HECTD4: variants seen among roughly 807,000 people sequenced by gnomAD.
HECTD4 encodes the protein HECT domain E3 ubiquitin protein ligase 4.
Under a neutral mutation model 471.5 loss-of-function variants are expected in HECTD4, and 114 were observed. The observed-to-expected ratio is 0.24, with a 90% confidence interval of 0.21 to 0.28. The LOEUF (loss-of-function observed/expected upper bound fraction) is 0.28. Ranked by LOEUF, HECTD4 falls within the 10% of genes least tolerant of loss-of-function variation. HECTD4 has a pLI of 1.00. For missense variants in HECTD4, 3,866 were observed against 5,651.5 expected, an observed-to-expected ratio of 0.68 and a Z score of 10.13; for synonymous variants, 2,012 against 2,256.0, an observed-to-expected ratio of 0.89 and a Z score of 3.07.
In HECTD4 at chr12:112,345,905, TAAAG is replaced by T. The variant is rs542284606; in HGVS notation, c.178-26167_178-26164del. Among the ~76,000 whole-genome samples, 127 of 152,072 alleles carry T rather than the reference TAAAG, an allele frequency of 8.4e-4. 1 individual carries two copies. The South Asian group carries it at 9.7e-3, about 12-fold the overall frequency. On this transcript the variant is annotated intron_variant, in intron 1 of 75. Transcript: ENST00000682272. ...GCGAGACTCCGTCTCAAAAACAAAA[TAAAG>T]AAAGAAAGAAGAGAAAGCAAACATG...
In HECTD4 at chr12:112,239,779, A is replaced by G; in HGVS notation, c.5105+102T>C. ...AAGTTTTGTATAGCTAGCTCTGGATAATGAAAGCAAAAAATCCAATTTTTA... is the reference window on the plus strand; with the variant it reads ...AAGTTTTGTATAGCTAGCTCTGGATGATGAAAGCAAAAAATCCAATTTTTA... On this transcript the variant is annotated intron_variant, in intron 33 of 75. Coordinates refer to ENST00000682272, the MANE Select transcript of HECTD4 (RefSeq NM_001388303.1). This position sits in a 1 kb window ranked among gnomAD's most constrained non-coding sequence, Gnocchi z 4.9. The G allele has an allele frequency of 8.8e-7, 1 of 1,142,044 alleles. No individual in the cohort carries two copies. Among genetic ancestry groups the G allele is most frequent in the Non-Finnish European group, 1.2e-6 (1 of 827,608 alleles). 70.7% of individuals were successfully genotyped at this position (1,142,044 alleles called of 1,614,324 possible).
Position 112,192,619 on chromosome 12 carries a change from G to A in HECTD4, c.9233C>T (p.Pro3078Leu), listed in dbSNP as rs771593426. Reference protein sequence around the residue: ...SPANTGLAPPPTADQYPSVVL... With the variant: ...SPANTGLAPPLTADQYPSVVL... ...CACAGAGGGGTACTGGTCAGCGGTG[G>A]GGGGAGGTGCAAGCCCAGTGTTGGC... is the stretch of plus-strand genomic sequence containing the variant. Residue 3078 changes from proline (P) to leucine (L), a missense_variant, in exon 59 of 76, where the codon CCC (proline) becomes CTC (leucine). By Grantham distance (98) the Pro-to-Leu change is moderately conservative (BLOSUM62 -3). This residue lies in a region of HECTD4 where 364 missense variants were observed against 413.2 expected (regional missense o/e 0.88). Coordinates refer to ENST00000682272, the MANE Select transcript of HECTD4 (RefSeq NM_001388303.1). The A allele has an allele frequency of 1.9e-6, 3 of 1,609,704 alleles. No individual in the cohort carries two copies. Among genetic ancestry groups the A allele is most frequent in the Non-Finnish European group, 2.5e-6 (3 of 1,178,492 alleles).
intron 44 of HECTD4, among the ~76,000 whole-genome samples, chr12:112,220,135 G>A (rs769626857): frequency 5.3e-5 from 8 of 152,090 alleles, no homozygotes; most frequent in Non-Finnish European, 8.8e-5. Flanking sequence ...TAAAGCCCTT[G>A]GCTAAGTCCC....
chr12:112,379,705 T>TA (rs2036853578), intron 1 of HECTD4, among the ~76,000 whole-genome samples: 1 of 146,406 alleles, frequency 6.8e-6, no homozygotes, highest in Non-Finnish European at 1.5e-5. Flanking sequence ...AAATAAAAAA[T>TA]AAAAAGATTT....
chr12:112,364,590 G>A (rs780558987), intron 1 of HECTD4, among the ~76,000 whole-genome samples: 119 of 151,894 alleles, frequency 7.8e-4, no homozygotes, highest in Non-Finnish European at 1.4e-3. Flanking sequence ...TTAGCCAGCC[G>A]TGGTGGCATG....
At chr12:112,244,941 G>C (rs2033725486) in intron 29 of HECTD4, among the ~76,000 whole-genome samples, 1 of 151,890 alleles carries the variant, frequency 6.6e-6, no homozygotes, top group South Asian at 2.1e-4. Flanking sequence ...GAGTAGCTAA[G>C]AAAAAAAGAT....
At position 112,213,912 on chromosome 12, in the gene HECTD4, C is replaced by T. The variant is rs930562510; in HGVS notation, c.7466-1262G>A. Among the ~76,000 whole-genome samples the T allele has an allele frequency of 6.6e-6, 1 of 151,448 alleles. No homozygotes were observed. The highest frequency in any genetic ancestry group is 2.4e-5 in the African/African-American group (1 of 41,240). The stretch of plus-strand genomic sequence containing the variant: ...TAGTGTGTGCCTATGGTCCCAGTTA[C>T]TCAGGAGGCTGAGATGGGAGGGTCA... On this transcript the variant is annotated intron_variant, in intron 48 of 75. Transcript: ENST00000682272. The surrounding 1 kb of genome is among the most constrained non-coding windows in gnomAD (Gnocchi z 4.0).
intron 55 of HECTD4, among the ~76,000 whole-genome samples, chr12:112,198,954 A>G (rs1460678856): frequency 6.6e-6 from 1 of 152,182 alleles, no homozygotes. Context: ...CCACAGCTTC[A>G]AGGCTTCTGG....
At chr12:112,256,721 ACTTG>A (rs996069970) in intron 20 of HECTD4, 2 of 380,124 alleles carry the variant, frequency 5.3e-6, no homozygotes, top group African/African-American at 4.2e-5. Context: ...CAGATATTAT[ACTTG>A]CTTTTTTTTT....
At chr12:112,232,888 T>C (rs892751576) in intron 38 of HECTD4, 116 bp downstream of exon 38, 20 of 833,928 alleles carry the variant, frequency 2.4e-5, no homozygotes, top group Admixed American at 8.6e-5. Context: ...TTTCTCACCT[T>C]GCCTCTTCGT....
intron 65 of HECTD4, 56 bp from the exon 66 acceptor site, chr12:112,175,915 C>T (rs2031426057): frequency 5.6e-6 from 9 of 1,594,240 alleles, no homozygotes; most frequent in Non-Finnish European, 7.7e-6. Context: ...CATCGCGCGC[C>T]TCCAACGTGC....
intron 2 of HECTD4, among the ~76,000 whole-genome samples, chr12:112,316,242 C>G (rs778470362): frequency 2.6e-5 from 4 of 152,162 alleles, no homozygotes; most frequent in Non-Finnish European, 5.9e-5. Flanking sequence ...ACGTGGAACT[C>G]TCTGCCACTG....
At chr12:112,252,380 G>C in intron 23 of HECTD4, 44 bp downstream of exon 23, 1 of 1,540,332 alleles carries the variant, frequency 6.5e-7, no homozygotes, top group South Asian at 1.3e-5. Context: ...AAGGCACATA[G>C]CAGATAGTAC....
intron 1 of HECTD4, among the ~76,000 whole-genome samples, chr12:112,354,623 T>C (rs2036299984): frequency 6.6e-6 from 1 of 151,986 alleles, no homozygotes; most frequent in Non-Finnish European, 1.5e-5. Context: ...GAGGCAGACA[T>C]TGCAGTGGGC....
At chr12:112,257,954 C>G (rs1258267525) in intron 20 of HECTD4, among the ~76,000 whole-genome samples, 1 of 152,146 alleles carries the variant, frequency 6.6e-6, no homozygotes, top group Non-Finnish European at 1.5e-5. Context: ...CTTTGGGAGG[C>G]TGAGGTGGGC....
Position 112,256,424 on chromosome 12 carries a change from C to T in HECTD4, c.3223G>A (p.Val1075Ile), listed in dbSNP as rs747175155. 34 of 1,612,906 alleles carry T rather than the reference C, an allele frequency of 2.1e-5. No homozygotes were observed. The highest frequency in any genetic ancestry group is 1.6e-4 in the East Asian group (7 of 44,836). ...TCTTTAAATTTATAGTTGTCTCTGA[C>T]GGGGTGGACTGTTTCCACAGTCTTT... ...AGKTVETVHP[V>I]RDNYKFKETV... Residue 1075 changes from valine to isoleucine, a missense_variant, in exon 21 of 76, where the codon GTC becomes ATC. By Grantham distance (29) the Val-to-Ile change is conservative. Coordinates refer to ENST00000682272, the MANE Select transcript of HECTD4 (RefSeq NM_001388303.1).
rs2034296323 is a variant in HECTD4, at chr12:112,267,151, C to T, written c.2322-169G>A. The T allele has an allele frequency of 6.8e-6, 4 of 587,162 alleles. No homozygotes were observed. The South Asian group carries it at 8.5e-5, about 12-fold the overall frequency. 36.4% of individuals were successfully genotyped at this position (587,162 alleles called of 1,614,324 possible). A position where few individuals can be genotyped will look rare whatever the true frequency, so the allele number is the denominator to read the frequency against. On this transcript the variant is annotated intron_variant, in intron 13 of 75. Transcript: ENST00000682272. ...GGGTTGATTCGGCTGATCTGGCTGG[C>T]TAGGCAGGTGTGCCCTTCCTCCCTC...
intron 1 of HECTD4, among the ~76,000 whole-genome samples, chr12:112,323,697 T>G (rs1240738407): frequency 6.6e-6 from 1 of 151,450 alleles, no homozygotes; most frequent in Non-Finnish European, 1.5e-5. Flanking sequence ...TATGAGGGAG[T>G]TTTTTTGGGG....
At chr12:112,208,682 A>C (rs1275404961) in intron 50 of HECTD4, 52 bp from the exon 51 acceptor site, 15 of 1,486,674 alleles carry the variant, frequency 1.0e-5, no homozygotes, top group Middle Eastern at 1.8e-4. Context: ...GGCTAGAAAA[A>C]TCCTTAACTT....
Sources: gnomAD v4.1 joint callset for allele counts (sites outside exome capture counted in the v4.1 genomes callset) on GRCh38, gnomAD v4.1.1 for gene constraint, gnomAD v4.1.1 regional missense constraint, Gnocchi (gnomAD v3.1) non-coding constraint, MANE v1.5 for transcripts, NCBI Gene and HGNC (gene_info 2026-07-23, HGNC 2026-07-21) for gene names.